Variants in MREG observed in about 807,000 individuals in gnomAD.
MREG encodes dilute suppressor protein homolog.
In MREG, 31 loss-of-function variants were observed where a neutral mutation model predicts 28.5. The ratio of observed to expected loss-of-function variants is 1.09; its 90% confidence interval spans 0.82 to 1.47. The LOEUF is 1.47. Among genes scored for constraint, MREG ranks in the 40% most tolerant of loss-of-function variants. The pLI, the probability that MREG is intolerant of heterozygous loss-of-function variation, is 0.00. For synonymous variants in MREG, 106 were observed against 95.2 expected, an observed-to-expected ratio of 1.11 and a Z score of -0.66; for missense variants, 256 against 257.4, an observed-to-expected ratio of 0.99 and a Z score of 0.04.
chr2:215,956,441 G>T (rs555557985), intron 2 of MREG, among the ~76,000 whole-genome samples: 1 of 152,018 alleles, frequency 6.6e-6, no homozygotes. Context: ...TTTGGGTTTT[G>T]TCAGGTAGGT....
At chr2:216,021,679 C>T (rs1182693687) in intron 1 of MREG, among the ~76,000 whole-genome samples, 1 of 152,158 alleles carries the variant, frequency 6.6e-6, no homozygotes, top group Non-Finnish European at 1.5e-5. Flanking sequence ...TGGTCTTTGG[C>T]ATAACAGTGC....
chr2:215,944,781 CTCTTCTACATGTAATTG>C lies in MREG; in HGVS notation c.*65_*81del. ...ACTAAGCAAACTCTATTTGCTCACT[CTCTTCTACATGTAATTG>C]TCCAACTTTGGTTGACTGCTGAGTC... On this transcript the variant is annotated 3_prime_UTR_variant, in exon 5 of 5. Transcript: ENST00000263268. 7.3e-7 allele frequency: 1 copy of C among 1,377,828 alleles called. No homozygotes were observed. The highest frequency in any genetic ancestry group is 9.8e-7 in the Non-Finnish European group (1 of 1,017,888). The allele number at this position is 1,377,828 out of a possible 1,614,324, so 85.4% of individuals were successfully genotyped here.
At chr2:215,956,083 TA>T (rs1382963186) in intron 2 of MREG, among the ~76,000 whole-genome samples, 2 of 152,102 alleles carry the variant, frequency 1.3e-5, no homozygotes, top group Non-Finnish European at 2.9e-5. Context: ...TGAGGTACAA[TA>T]TAAAGGCCAA....
chr2:215,944,900 T>C lies in MREG; in HGVS notation c.608A>G (p.Gln203Arg), dbSNP rs772560609. The C allele has an allele frequency of 1.2e-6, 2 of 1,607,690 alleles. No individual in the cohort carries two copies. The highest frequency in any genetic ancestry group is 1.7e-6 in the Non-Finnish European group (2 of 1,174,722). The change falls in exon 5 of 5, where the codon CAG (glutamine) becomes CGG (arginine). Residue 203 changes from glutamine to arginine, a missense_variant. Physicochemically the swap from Gln to Arg is conservative, Grantham distance 43 (BLOSUM62 1). Transcript: ENST00000263268. ...AAACGGAAGGTAGTGCAGTTCTTTCTGGCCATCTGCCAGGCATGGAACCCC... is the reference window on the plus strand; with the variant it reads ...AAACGGAAGGTAGTGCAGTTCTTTCCGGCCATCTGCCAGGCATGGAACCCC... ...KPGVPCLADG[Q>R]KELHYLPFPS...
At chr2:215,939,627 T>C (rs1692172634), downstream of MREG, 1 of 152,232 alleles carries the variant, frequency 6.6e-6, no homozygotes, top group African/African-American at 2.4e-5. Flanking sequence ...CTGCTGGGTT[T>C]GACAGATTTT....
intron 2 of MREG, among the ~76,000 whole-genome samples, chr2:215,956,236 A>G (rs988856274): frequency 3.9e-5 from 6 of 152,192 alleles, no homozygotes; most frequent in Admixed American, 1.3e-4. Context: ...AAATGTTCCA[A>G]ATCTACCCAA....
chr2:215,955,168 A>G (rs1439468005), intron 2 of MREG, among the ~76,000 whole-genome samples: 1 of 152,240 alleles, frequency 6.6e-6, no homozygotes, highest in Non-Finnish European at 1.5e-5. Flanking sequence ...TCACTTAATA[A>G]TATGTTTTAG....
intron 2 of MREG, among the ~76,000 whole-genome samples, chr2:215,992,892 C>T (rs973469112): frequency 2.0e-5 from 3 of 152,126 alleles, no homozygotes; most frequent in Non-Finnish European, 4.4e-5. Flanking sequence ...GAACTACAAA[C>T]CACTGCTCAA....
At chr2:216,026,451 C>T (rs1694595826) in intron 1 of MREG, among the ~76,000 whole-genome samples, 1 of 152,126 alleles carries the variant, frequency 6.6e-6, no homozygotes, top group Non-Finnish European at 1.5e-5. Flanking sequence ...TTGCAACCTT[C>T]CCAGGGTCCA....
chr2:215,990,120 G>A (rs540380171), intron 2 of MREG, among the ~76,000 whole-genome samples: 17 of 152,246 alleles, frequency 1.1e-4, no homozygotes, highest in African/African-American at 3.1e-4. Context: ...TGAAATGAAG[G>A]AAAAGATGTT....
chr2:215,976,794 A>G (rs372670221), intron 2 of MREG, among the ~76,000 whole-genome samples: 1 of 152,148 alleles, frequency 6.6e-6, no homozygotes, highest in African/African-American at 2.4e-5. Context: ...TCATAAGTGA[A>G]GGTGAAATAA....
At chr2:216,006,613 T>C (rs1417749942) in intron 1 of MREG, among the ~76,000 whole-genome samples, 1 of 152,120 alleles carries the variant, frequency 6.6e-6, no homozygotes, top group East Asian at 1.9e-4. Context: ...GAAAACCCAA[T>C]AGTATGTGCT....
rs370680220 is a variant in MREG, at chr2:215,996,415, T to C, written c.146A>G (p.Glu49Gly). Reference sequence around the variant, plus strand: ...ATGGGGCATACTCCATAAATTCTTCTCATCATCCCTCACCAGAGTTGCTCC... The same window carrying C: ...ATGGGGCATACTCCATAAATTCTTCCCATCATCCCTCACCAGAGTTGCTCC... ...SFGATLVRDD[E>G]KNLWSMPHDV... Residue 49 changes from glutamate to glycine, a missense_variant, in exon 2 of 5, where the codon GAG becomes GGG. Coordinates refer to ENST00000263268, the MANE Select transcript of MREG (RefSeq NM_018000.3). 9 of 1,613,706 alleles carry C rather than the reference T, an allele frequency of 5.6e-6. No individual in the cohort carries two copies. The highest frequency in any genetic ancestry group is 1.3e-5 in the African/African-American group (1 of 74,936).
chr2:215,987,676 C>T (rs62183222), intron 2 of MREG, among the ~76,000 whole-genome samples: 37,886 of 152,010 alleles, frequency 0.25, 5,097 homozygotes, highest in East Asian at 0.4. Flanking sequence ...AGGTCAGGAG[C>T]TCGAGACCAG....
At chr2:215,967,159 C>G (rs1404909129) in intron 2 of MREG, among the ~76,000 whole-genome samples, 2 of 152,224 alleles carry the variant, frequency 1.3e-5, no homozygotes, top group Non-Finnish European at 2.9e-5. Flanking sequence ...TGACTCCTCA[C>G]CAAGCCAGTC....
intron 1 of MREG, among the ~76,000 whole-genome samples, chr2:216,029,072 C>T (rs1559203077): frequency 6.6e-6 from 1 of 151,932 alleles, no homozygotes; most frequent in South Asian, 2.1e-4. Context: ...AAAATAAATA[C>T]CAGTACAATA....
intron 2 of MREG, among the ~76,000 whole-genome samples, chr2:215,994,725 CT>C (rs1232960704): frequency 2.1e-4 from 32 of 149,758 alleles, no homozygotes; most frequent in Admixed American, 9.2e-4. Context: ...AGAAGCTGTG[CT>C]TTCCAAGAGG....
intron 1 of MREG, among the ~76,000 whole-genome samples, chr2:216,005,761 A>C (rs1486148936): frequency 6.7e-6 from 1 of 148,238 alleles, no homozygotes; most frequent in Non-Finnish European, 1.5e-5. Context: ...GCCTATAGTT[A>C]TTCTTTATAC....
intron 2 of MREG, among the ~76,000 whole-genome samples, chr2:215,989,713 A>G (rs1321484892): frequency 2.6e-5 from 4 of 152,020 alleles, no homozygotes; most frequent in Non-Finnish European, 5.9e-5. Flanking sequence ...GACCTAATGG[A>G]GGTGAAAAAT....
Sources: allele counts gnomAD v4.1 joint callset (sites outside exome capture counted in the v4.1 genomes callset), GRCh38; gene constraint gnomAD v4.1.1; transcripts MANE v1.5; gene names NCBI Gene and HGNC (gene_info 2026-07-23, HGNC 2026-07-21).